The following CDKN2B-AS1 variants were observed in gnomAD, a reference collection of about 807,000 sequenced individuals.
CDKN2B-AS1 encodes the protein CDKN2B antisense RNA 1 (non-protein coding).
intron 1 of CDKN2B-AS1, chr9:22,008,807 G>T (rs772483505): frequency 1.2e-6 from 2 of 1,604,794 alleles, no homozygotes; most frequent in East Asian, 2.2e-5. Context: ...CCTGGATCGC[G>T]CGCCTCCCGA....
intron 1 of CDKN2B-AS1, among the ~76,000 whole-genome samples, chr9:22,008,437 A>G (rs1296628539): frequency 1.3e-5 from 2 of 152,178 alleles, no homozygotes; most frequent in Non-Finnish European, 2.9e-5. Context: ...TCCAATCTAG[A>G]ATGCGTAACT....
chr9:22,086,891 TC>T (rs1824884585), intron 4 of CDKN2B-AS1, among the ~76,000 whole-genome samples: 1 of 152,244 alleles, frequency 6.6e-6, no homozygotes, highest in Non-Finnish European at 1.5e-5. Context: ...TAATATTTTT[TC>T]CAACATTAAT....
chr9:22,007,349 G>A (rs550327973), intron 1 of CDKN2B-AS1, among the ~76,000 whole-genome samples: 1 of 126,928 alleles, frequency 7.9e-6, no homozygotes, highest in Admixed American at 8.8e-5. Flanking sequence ...ACAGAGTGAG[G>A]CCTCATCTCA....
At chr9:22,123,006 G>A (rs72654298) in intron 4 of CDKN2B-AS1, among the ~76,000 whole-genome samples, 6,889 of 151,742 alleles carry the variant, frequency 0.045, 348 homozygotes, top group African/African-American at 0.12. Flanking sequence ...CTTTCCATTT[G>A]TTTATGTCCT....
chr9:22,105,182 G>A lies in CDKN2B-AS1; in HGVS notation n.439-21921G>A, dbSNP rs114147901. ...GTGTATACTGGCTGGGATATTGTGG[G>A]CTCATGATGACTTGTAGGCCGAGGC... is the stretch of plus-strand genomic sequence containing the variant. On this transcript the variant is annotated intron_variant and non_coding_transcript_variant, in intron 4 of 4. Coordinates refer to ENST00000650946, the Ensembl canonical transcript of CDKN2B-AS1. Among the ~76,000 whole-genome samples, 620 of 152,292 alleles carry A rather than the reference G, an allele frequency of 4.1e-3. 5 individuals are homozygous for A. Among genetic ancestry groups the A allele is most frequent in the African/African-American group, 0.014 (583 of 41,568 alleles).
chr9:22,117,626 C>A (rs962309337), intron 4 of CDKN2B-AS1: 2 of 152,182 alleles, frequency 1.3e-5, no homozygotes. Flanking sequence ...TCTTGCTATC[C>A]CCTGCTGAGG....
intron 3 of CDKN2B-AS1, among the ~76,000 whole-genome samples, chr9:22,052,918 AT>A (rs1364679380): frequency 6.6e-6 from 1 of 152,192 alleles, no homozygotes; most frequent in African/African-American, 2.4e-5. Flanking sequence ...ATGATTCCAC[AT>A]TGTAGTTCAT....
chr9:22,009,729 T>C (rs1258638319), intron 1 of CDKN2B-AS1, among the ~76,000 whole-genome samples: 1 of 152,208 alleles, frequency 6.6e-6, no homozygotes, highest in Non-Finnish European at 1.5e-5. Flanking sequence ...GCGACAGCTC[T>C]GCACCTGTCA....
intron 1 of CDKN2B-AS1, chr9:22,046,604 C>G (rs1823119367): frequency 1.3e-5 from 2 of 152,068 alleles, no homozygotes; most frequent in Admixed American, 1.3e-4. Context: ...TATAGGTATA[C>G]CATATTCAAT....
Position 22,085,422 on chromosome 9 carries a change from T to C in CDKN2B-AS1, n.438+29035T>C, listed in dbSNP as rs932109131. Among the ~76,000 whole-genome samples the C allele has an allele frequency of 6.6e-5, 10 of 152,100 alleles. 1 individual carries two copies. Among genetic ancestry groups the C allele is most frequent in the South Asian group, 6.2e-4 (3 of 4,820 alleles). On this transcript the variant is annotated intron_variant and non_coding_transcript_variant, in intron 4 of 4. Transcript: ENST00000650946. ...TTCTGGCCCCACACCAAGGAACATA[T>C]AAAAGTTCCCTCTCTGGCCGGGCGC...
chr9:22,067,363 G>A (rs1018454927), intron 4 of CDKN2B-AS1, among the ~76,000 whole-genome samples: 3 of 152,158 alleles, frequency 2.0e-5, no homozygotes, highest in African/African-American at 4.8e-5. Context: ...GTGCTGCCAA[G>A]GCTGTGTGTT....
chr9:22,091,456 T>C (rs1264373367), intron 4 of CDKN2B-AS1, among the ~76,000 whole-genome samples: 2 of 152,238 alleles, frequency 1.3e-5, no homozygotes, highest in South Asian at 2.1e-4. Flanking sequence ...TTCCTACCCA[T>C]GAGCATGGAA....
At chr9:22,087,125 T>C (rs1243969196) in intron 4 of CDKN2B-AS1, among the ~76,000 whole-genome samples, 1 of 152,226 alleles carries the variant, frequency 6.6e-6, no homozygotes, top group African/African-American at 2.4e-5. Flanking sequence ...CCCCTTTTTC[T>C]TGGAAATGTT....
intron 4 of CDKN2B-AS1, among the ~76,000 whole-genome samples, chr9:22,085,482 A>G (rs1263008378): frequency 6.6e-6 from 1 of 152,136 alleles, no homozygotes; most frequent in African/African-American, 2.4e-5. Context: ...GCACTTTGGG[A>G]GGCTGAGGCG....
At chr9:22,125,727 G>T (rs1818009943) in intron 4 of CDKN2B-AS1, among the ~76,000 whole-genome samples, 1 of 152,118 alleles carries the variant, frequency 6.6e-6, no homozygotes, top group Non-Finnish European at 1.5e-5. Context: ...ATACAAACAT[G>T]TATGCACAAT....
intron 4 of CDKN2B-AS1, among the ~76,000 whole-genome samples, chr9:22,094,042 T>G (rs201759794): frequency 1.0e-4 from 15 of 144,502 alleles, no homozygotes; most frequent in South Asian, 2.1e-4. Context: ...GCATTTGCTT[T>G]TCTGTAAAGT....
intron 3 of CDKN2B-AS1, among the ~76,000 whole-genome samples, chr9:22,049,991 T>C (rs1319345030): frequency 6.6e-6 from 1 of 152,190 alleles, no homozygotes; most frequent in South Asian, 2.1e-4. Context: ...AATTTAGACA[T>C]TGCCTTTTTG....
intron 4 of CDKN2B-AS1, among the ~76,000 whole-genome samples, chr9:22,085,532 AAC>A (rs1436749938): frequency 6.6e-6 from 1 of 152,136 alleles, no homozygotes; most frequent in South Asian, 2.1e-4. Context: ...CACCCTGGCT[AAC>A]ACGGTGAAAC....
chr9:22,071,285 C>CTTTTTTTTTTTTTTTTTT (rs71336509), intron 4 of CDKN2B-AS1, among the ~76,000 whole-genome samples: 2 of 67,580 alleles, frequency 3.0e-5, no homozygotes, highest in African/African-American at 1.4e-4. Flanking sequence ...AAATATCTAG[C>CTTTTTTTTTTTTTTTTTT]TTTTTTTTTT....
Sources: gnomAD v4.1 joint callset for allele counts (sites outside exome capture counted in the v4.1 genomes callset) on GRCh38, gnomAD v4.1.1 for gene constraint, MANE v1.5 for transcripts, NCBI Gene and HGNC (gene_info 2026-07-23, HGNC 2026-07-21) for gene names.